EMB: variants seen among roughly 807,000 people sequenced by gnomAD.
The protein encoded by EMB is embigin, also known as embigin homolog.
EMB carries 31 observed loss-of-function variants against 41.4 expected under a neutral mutation model. The ratio of observed to expected loss-of-function variants is 0.75; its 90% confidence interval spans 0.56 to 1.01. The LOEUF is 1.01. Ranked by LOEUF, EMB falls within the 50% of genes least tolerant of loss-of-function variation. The pLI, the probability that EMB is intolerant of heterozygous loss-of-function variation, is 0.00. For synonymous variants in EMB, 137 were observed against 140.4 expected (o/e 0.98, Z 0.17); for missense variants, 379 against 388.3 (o/e 0.98, Z 0.20).
At chr5:50,436,471 CCA>C (rs1745804755) in intron 1 of EMB, among the ~76,000 whole-genome samples, 1 of 152,202 alleles carries the variant, frequency 6.6e-6, no homozygotes, top group African/African-American at 2.4e-5. Context: ...ACACCTGTCC[CCA>C]CAGAGATGTC....
intron 7 of EMB, among the ~76,000 whole-genome samples, chr5:50,400,640 A>G (rs1464830738): frequency 6.6e-6 from 1 of 152,022 alleles, no homozygotes; most frequent in Non-Finnish European, 1.5e-5. Flanking sequence ...CAAGAAGCTC[A>G]TTGTTCTGAA....
intron 7 of EMB, among the ~76,000 whole-genome samples, chr5:50,400,227 T>C (rs1455262337): frequency 5.9e-5 from 9 of 151,986 alleles, no homozygotes; most frequent in Admixed American, 1.3e-4. Flanking sequence ...TGCAAGGTAA[T>C]AGCCAATTAG....
chr5:50,429,619 T>A (rs1303622373), intron 1 of EMB, among the ~76,000 whole-genome samples: 1 of 152,176 alleles, frequency 6.6e-6, no homozygotes, highest in African/African-American at 2.4e-5. Context: ...TAAACCACCA[T>A]GGCACATGTA....
At chr5:50,405,236 A>T (rs894746279) in intron 5 of EMB, among the ~76,000 whole-genome samples, 6 of 151,972 alleles carry the variant, frequency 3.9e-5, no homozygotes, top group African/African-American at 1.4e-4. Flanking sequence ...ACACTTTCTG[A>T]TAGAACCTAA....
At chr5:50,413,225 T>C (rs1469227444) in intron 2 of EMB, among the ~76,000 whole-genome samples, 1 of 152,236 alleles carries the variant, frequency 6.6e-6, no homozygotes, top group Admixed American at 6.5e-5. Context: ...GTTCTCTTTA[T>C]AGAAAAATTC....
chr5:50,421,884 G>C (rs1318299081), intron 2 of EMB, among the ~76,000 whole-genome samples: 1 of 137,386 alleles, frequency 7.3e-6, no homozygotes, highest in Non-Finnish European at 1.5e-5. Flanking sequence ...ATCACACACC[G>C]GGGCCCGTTG....
At chr5:50,437,385 G>A (rs1216682535) in intron 1 of EMB, among the ~76,000 whole-genome samples, 1 of 152,148 alleles carries the variant, frequency 6.6e-6, no homozygotes, top group East Asian at 1.9e-4. Context: ...TGTCTGCCAA[G>A]CTTCTCCACC....
In EMB at chr5:50,428,216, T is replaced by C; in HGVS notation, c.124A>G (p.Thr42Ala). ...ATTTCTTCTCTGAGAGGTGGACTTG[T>C]AAAAGGCGAATCTATAAGAGAAAGA... ...ADGSAPDSPFTSPPLREEIMA... is the reference protein window; with the variant it reads ...ADGSAPDSPFASPPLREEIMA... The change falls in exon 2 of 9, where the codon ACA becomes GCA. Residue 42 changes from threonine (T) to alanine (A), a missense_variant. Physicochemically the swap from Thr to Ala is moderately conservative, Grantham distance 58 (BLOSUM62 0). Coordinates refer to ENST00000303221, the MANE Select transcript of EMB (RefSeq NM_198449.3). 6.2e-7 allele frequency: 1 copy of C among 1,610,834 alleles called. No individual in the cohort carries two copies. Among genetic ancestry groups the C allele is most frequent in the Non-Finnish European group, 8.5e-7 (1 of 1,177,246 alleles).
rs572037849 is a variant in EMB at position 50,411,174 on chromosome 5, T to G, written c.383+23A>C. 2.8e-5 allele frequency: 44 copies of G among 1,565,002 alleles called. No individual in the cohort carries two copies. The South Asian group carries it at 5.2e-4, about 18-fold the overall frequency. The stretch of plus-strand genomic sequence containing the variant: ...ATTAAGCTACTTTTGGTGAGCAAGG[T>G]AGGTTAAAATTTGTATACTCACCTG... On this transcript the variant is annotated intron_variant, in intron 3 of 8. Transcript: ENST00000303221.
chr5:50,405,589 T>C, intron 5 of EMB, 136 bp downstream of exon 5: 2 of 1,278,884 alleles, frequency 1.6e-6, no homozygotes, highest in Non-Finnish European at 2.0e-6. Flanking sequence ...GCTCTTTCTT[T>C]ATGAACATAA....
rs1745122002 is a variant in EMB, at chr5:50,399,395, C to T, written c.967-105G>A. ...CAAAAAATACTGGGAAGTGAGGGAT[C>T]CAATCTACTGCCAAAACAGAGCTCC... is the stretch of plus-strand genomic sequence containing the variant. On this transcript the variant is annotated intron_variant, in intron 8 of 8. Coordinates refer to ENST00000303221, the MANE Select transcript of EMB (RefSeq NM_198449.3). 23 of 1,471,728 alleles carry T rather than the reference C, an allele frequency of 1.6e-5. 1 individual carries two copies. The East Asian group carries it at 5.4e-4, about 35-fold the overall frequency. 91.2% of individuals were successfully genotyped at this position (1,471,728 alleles called of 1,614,324 possible).
intron 5 of EMB, among the ~76,000 whole-genome samples, chr5:50,405,128 T>C (rs1308090034): frequency 1.3e-5 from 2 of 151,966 alleles, no homozygotes; most frequent in Non-Finnish European, 1.5e-5. Flanking sequence ...AAAATACTCA[T>C]GTTTTTCTTA....
intron 2 of EMB, among the ~76,000 whole-genome samples, chr5:50,422,785 T>G (rs977475391): frequency 6.6e-6 from 1 of 152,206 alleles, no homozygotes; most frequent in Non-Finnish European, 1.5e-5. Context: ...CCAAAATTTA[T>G]GCCTACCTCA....
intron 2 of EMB, among the ~76,000 whole-genome samples, chr5:50,423,304 C>T (rs1157350438): frequency 6.6e-6 from 1 of 151,982 alleles, no homozygotes; most frequent in Non-Finnish European, 1.5e-5. Flanking sequence ...CAGCGTATAC[C>T]ATTGTAAAAG....
In EMB at chr5:50,397,344, T is replaced by C. The variant is rs540086724; in HGVS notation, c.*1929A>G. 3.9e-5 allele frequency: 6 copies of C among 152,252 alleles called. No homozygotes were observed. In the East Asian group the frequency reaches 9.7e-4, roughly 25 times the overall value. The allele number at this position is 152,252 out of a possible 1,614,324, so 9.4% of individuals were successfully genotyped here. ...GAGTACTTTTCCTATTTAAGGTTAC[T>C]GAGATAAATTGTCTTTGCTAGAAAA... On this transcript the variant is annotated 3_prime_UTR_variant, in exon 9 of 9. Coordinates refer to ENST00000303221, the MANE Select transcript of EMB (RefSeq NM_198449.3).
chr5:50,416,057 C>T (rs1027538169), intron 2 of EMB, among the ~76,000 whole-genome samples: 2 of 152,198 alleles, frequency 1.3e-5, no homozygotes, highest in African/African-American at 4.8e-5. Context: ...GGTGCTTCTG[C>T]AGTTTGCTGT....
intron 2 of EMB, among the ~76,000 whole-genome samples, chr5:50,418,550 C>T (rs934357183): frequency 6.6e-6 from 1 of 152,224 alleles, no homozygotes; most frequent in Non-Finnish European, 1.5e-5. Context: ...AAGTGTCTAG[C>T]AGTGATTGTG....
At chr5:50,442,047 A>G (rs1745924304), upstream of EMB, among the ~76,000 whole-genome samples, 2 of 152,174 alleles carry the variant, frequency 1.3e-5, no homozygotes, top group African/African-American at 4.8e-5. Flanking sequence ...GGGAGGAGAA[A>G]TCTATATTGT....
intron 1 of EMB, among the ~76,000 whole-genome samples, chr5:50,436,879 C>G (rs111829555): frequency 1.0e-3 from 155 of 152,316 alleles, no homozygotes; most frequent in South Asian, 0.01. Context: ...GAGGAAGAGT[C>G]AGTTGCCCTA....
Sources: gnomAD v4.1 joint callset for allele counts (sites outside exome capture counted in the v4.1 genomes callset) on GRCh38, gnomAD v4.1.1 for gene constraint, MANE v1.5 for transcripts, NCBI Gene and HGNC (gene_info 2026-07-23, HGNC 2026-07-21) for gene names.